The following THBS4 variants were observed in gnomAD, a reference collection of about 807,000 sequenced individuals.
THBS4 encodes the protein thrombospondin-4.
A neutral mutation model predicts 115.7 loss-of-function variants in THBS4; 90 were observed. The ratio of observed to expected loss-of-function variants is 0.78; its 90% confidence interval spans 0.66 to 0.93. THBS4 has a LOEUF of 0.93. THBS4 is among the 40% of genes least tolerant of loss of function. The pLI, the probability that THBS4 is intolerant of heterozygous loss-of-function variation, is 0.00. For synonymous variants in THBS4, 460 were observed against 479.3 expected, an observed-to-expected ratio of 0.96 and a Z score of 0.53; for missense variants, 1,087 against 1,232.7, an observed-to-expected ratio of 0.88 and a Z score of 1.77.
At chr5:80,025,415 G>A (rs936206100) in intron 2 of THBS4, among the ~76,000 whole-genome samples, 3 of 152,128 alleles carry the variant, frequency 2.0e-5, no homozygotes, top group Non-Finnish European at 4.4e-5. Context: ...CTTAACTATT[G>A]GATACACAGA....
At chr5:80,027,232 A>G (rs1259603013) in intron 2 of THBS4, among the ~76,000 whole-genome samples, 2 of 152,180 alleles carry the variant, frequency 1.3e-5, no homozygotes, top group African/African-American at 4.8e-5. Flanking sequence ...ACCTGAAGAG[A>G]AGTCTGTTGG....
chr5:80,070,366 T>C lies in THBS4; in HGVS notation c.1408T>C (p.Tyr470His). ...ICGKDVDIDSYPDEELPCSAR... is the reference protein window; with the variant it reads ...ICGKDVDIDSHPDEELPCSAR... Reference sequence around the variant, plus strand: ...TGGAAAGGATGTGGACATCGACAGTTACCCCGACGAAGAACTGCCATGCTC... The same window carrying C: ...TGGAAAGGATGTGGACATCGACAGTCACCCCGACGAAGAACTGCCATGCTC... The change falls in exon 11 of 22, where the codon TAC becomes CAC. Residue 470 changes from tyrosine (Y) to histidine (H), a missense_variant. Tyr to His is a moderately conservative substitution (Grantham distance 83). Transcript: ENST00000350881. 1 of 1,613,116 alleles carries C rather than the reference T, an allele frequency of 6.2e-7. No homozygotes were observed. Among genetic ancestry groups the C allele is most frequent in the Non-Finnish European group, 8.5e-7 (1 of 1,179,502 alleles).
At chr5:80,004,350 A>G (rs1831971863) in intron 2 of THBS4, among the ~76,000 whole-genome samples, 2 of 152,196 alleles carry the variant, frequency 1.3e-5, no homozygotes, top group African/African-American at 4.8e-5. Context: ...GGAAGTCAGG[A>G]TTCTGCCTTC....
intron 2 of THBS4, among the ~76,000 whole-genome samples, chr5:80,024,144 A>G (rs930189012): frequency 6.6e-6 from 1 of 152,200 alleles, no homozygotes; most frequent in Non-Finnish European, 1.5e-5. Flanking sequence ...AACTAAGAAC[A>G]GTACTATTGG....
At chr5:80,049,902 T>C (rs1177677171) in intron 2 of THBS4, among the ~76,000 whole-genome samples, 1 of 152,152 alleles carries the variant, frequency 6.6e-6, no homozygotes, top group Non-Finnish European at 1.5e-5. Context: ...GAAAGAGACC[T>C]AAAGTAGGAA....
At chr5:80,034,715 A>G (rs982192016), upstream of THBS4, among the ~76,000 whole-genome samples, 2 of 152,224 alleles carry the variant, frequency 1.3e-5, no homozygotes, top group African/African-American at 2.4e-5. Flanking sequence ...GTCTGGATGG[A>G]TTCCTTGAGA....
At chr5:80,075,786 G>A (rs1172544840) in intron 15 of THBS4, among the ~76,000 whole-genome samples, 1 of 152,230 alleles carries the variant, frequency 6.6e-6, no homozygotes, top group African/African-American at 2.4e-5. Flanking sequence ...TCAGTCTTGT[G>A]TTTTATAAAG....
chr5:80,061,860 T>C, intron 8 of THBS4, 28 bp downstream of exon 8: 1 of 1,584,454 alleles, frequency 6.3e-7, no homozygotes, highest in African/African-American at 1.4e-5. Context: ...TTTCTATTCA[T>C]TTCTCATCTT....
intron 9 of THBS4, chr5:80,066,611 AG>A (rs2112120877): frequency 6.6e-6 from 1 of 152,368 alleles, no homozygotes; most frequent in South Asian, 2.1e-4. Flanking sequence ...GTCTCCAAAA[AG>A]AAAAAAAAGA....
At chr5:80,047,693 G>A (rs1445965654) in intron 2 of THBS4, among the ~76,000 whole-genome samples, 1 of 150,746 alleles carries the variant, frequency 6.6e-6, no homozygotes, top group Non-Finnish European at 1.5e-5. Context: ...GAGTGCAATG[G>A]CGCGTCCTCA....
Position 80,040,250 on chromosome 5 carries a change from G to C in THBS4, c.262G>C (p.Glu88Gln). The change falls in exon 2 of 22, where the codon GAA becomes CAA. Residue 88 changes from glutamate to glutamine, a missense_variant. Glu to Gln is a conservative substitution (Grantham distance 29, BLOSUM62 2). Transcript: ENST00000350881. Reference sequence around the variant, plus strand: ...TTCAACTGACAACAGTAAATATTTTGAATTTACTGTGATGGGACGCTTAAA... The same window carrying C: ...TTCAACTGACAACAGTAAATATTTTCAATTTACTGTGATGGGACGCTTAAA... ...YSSTDNSKYF[E>Q]FTVMGRLNKA... is the part of the protein sequence containing the mutation. 1 of 1,613,820 alleles carries C rather than the reference G, an allele frequency of 6.2e-7. No homozygotes were observed. The highest frequency in any genetic ancestry group is 1.1e-5 in the South Asian group (1 of 91,052).
At chr5:80,005,987 G>C (rs996860786) in intron 2 of THBS4, among the ~76,000 whole-genome samples, 4 of 151,872 alleles carry the variant, frequency 2.6e-5, no homozygotes, top group African/African-American at 9.7e-5. Flanking sequence ...GGATGGTCTC[G>C]ATCTCTTGAC....
At chr5:80,042,859 G>A (rs1474039885) in intron 2 of THBS4, among the ~76,000 whole-genome samples, 7 of 152,058 alleles carry the variant, frequency 4.6e-5, no homozygotes, top group African/African-American at 1.2e-4. Context: ...ACAGCTACTC[G>A]GGAGGCTGAG....
intron 2 of THBS4, among the ~76,000 whole-genome samples, chr5:80,024,365 T>G (rs752812702): frequency 6.6e-6 from 1 of 152,216 alleles, no homozygotes; most frequent in African/African-American, 2.4e-5. Flanking sequence ...TGGGAATCAG[T>G]TTCAGGTCCC....
chr5:80,005,329 C>A (rs991780560), intron 2 of THBS4, among the ~76,000 whole-genome samples: 3 of 152,072 alleles, frequency 2.0e-5, no homozygotes, highest in African/African-American at 7.2e-5. Flanking sequence ...AAGGTTTAGC[C>A]GCTTGTTATT....
intron 8 of THBS4, 125 bp from the exon 9 acceptor site, chr5:80,065,284 T>C (rs867108062): frequency 9.3e-6 from 7 of 756,412 alleles, no homozygotes; most frequent in Middle Eastern, 2.5e-4. Context: ...AACCCTCAGA[T>C]TACCATTCTA....
upstream of THBS4, among the ~76,000 whole-genome samples, chr5:80,031,553 C>G (rs549980118): frequency 2.0e-5 from 3 of 152,344 alleles, no homozygotes; most frequent in Non-Finnish European, 4.4e-5. Context: ...AACTAAACAG[C>G]TCTGCTGATC....
At chr5:79,999,749 T>C (rs1831860642) in intron 2 of THBS4, among the ~76,000 whole-genome samples, 1 of 152,208 alleles carries the variant, frequency 6.6e-6, no homozygotes, top group African/African-American at 2.4e-5. Flanking sequence ...ATAAAAATTC[T>C]CTCAATCCAC....
upstream of THBS4, among the ~76,000 whole-genome samples, chr5:80,030,613 G>A (rs552002704): frequency 1.2e-4 from 19 of 152,002 alleles, no homozygotes; most frequent in South Asian, 2.1e-4. Flanking sequence ...GTGATCCACC[G>A]GCCTCGGCCT....
Sources: gnomAD v4.1 joint callset for allele counts (sites outside exome capture counted in the v4.1 genomes callset) on GRCh38, gnomAD v4.1.1 for gene constraint, MANE v1.5 for transcripts, NCBI Gene and HGNC (gene_info 2026-07-23, HGNC 2026-07-21) for gene names.